Variants in DRAM1 observed in about 807,000 individuals in gnomAD.
The protein encoded by DRAM1 is DNA damage-regulated autophagy modulator protein 1.
A neutral mutation model predicts 28.5 loss-of-function variants in DRAM1; 25 were observed. The observed-to-expected ratio is 0.88, with a 90% CI of 0.64 to 1.23. DRAM1 has a LOEUF of 1.23. Ranked by LOEUF, DRAM1 falls within the 50% of genes most tolerant of loss-of-function variation. The pLI, the probability that DRAM1 is intolerant of heterozygous loss-of-function variation, is 0.00. For synonymous variants in DRAM1, 113 were observed against 114.2 expected (o/e 0.99, Z 0.07); for missense variants, 249 against 299.2 (o/e 0.83, Z 1.24).
chr12:101,917,778 G>GT (rs11446502), intron 5 of DRAM1, among the ~76,000 whole-genome samples: 46,489 of 151,564 alleles, frequency 0.31, 8,409 homozygotes, highest in African/African-American at 0.51. Flanking sequence ...CAAAAGGCAG[G>GT]TTTTTTTCTT....
rs543128938 is a variant in DRAM1 at position 101,910,063 on chromosome 12, A to G, written c.520+1700A>G. On this transcript the variant is annotated intron_variant, in intron 4 of 6. Coordinates refer to ENST00000258534, the MANE Select transcript of DRAM1 (RefSeq NM_018370.3). The stretch of plus-strand genomic sequence containing the variant: ...GCTTTGTGTTTCTTTTCTAAAATAG[A>G]AACTACAAAATGTGAAGTCTAAGTA... Among the ~76,000 whole-genome samples, 78 of 152,368 alleles carry G rather than the reference A, an allele frequency of 5.1e-4. 1 individual carries two copies. The highest frequency in any genetic ancestry group is 6.8e-3 in the Middle Eastern group (2 of 294).
chr12:101,919,205 T>C (rs1466814577), intron 5 of DRAM1, among the ~76,000 whole-genome samples: 1 of 151,390 alleles, frequency 6.6e-6, no homozygotes, highest in Non-Finnish European at 1.5e-5. Context: ...TGCAACAGAG[T>C]TTTAAAATTA....
intron 1 of DRAM1, among the ~76,000 whole-genome samples, chr12:101,896,317 T>A (rs1873372216): frequency 6.6e-6 from 1 of 152,252 alleles, no homozygotes; most frequent in African/African-American, 2.4e-5. Context: ...TTCAACGTGA[T>A]CGGTTTTTTA....
chr12:101,918,828 A>C (rs1023776294), intron 5 of DRAM1, among the ~76,000 whole-genome samples: 30 of 152,308 alleles, frequency 2.0e-4, no homozygotes, highest in Middle Eastern at 3.4e-3. Context: ...GAGGGGGCAC[A>C]CTGACAGTCC....
At chr12:101,903,490 C>G (rs889553724) in intron 3 of DRAM1, among the ~76,000 whole-genome samples, 1 of 152,076 alleles carries the variant, frequency 6.6e-6, no homozygotes, top group African/African-American at 2.4e-5. Flanking sequence ...ATCAAACTTA[C>G]AGGAGAGAGT....
intron 1 of DRAM1, among the ~76,000 whole-genome samples, chr12:101,896,863 C>T (rs184028125): frequency 6.6e-6 from 1 of 151,500 alleles, no homozygotes; most frequent in East Asian, 1.9e-4. Flanking sequence ...TCTCGGCTCA[C>T]CGCAACCTCC....
intron 4 of DRAM1, among the ~76,000 whole-genome samples, chr12:101,911,983 G>C (rs1874055994): frequency 6.6e-6 from 1 of 152,154 alleles, no homozygotes; most frequent in Non-Finnish European, 1.5e-5. Flanking sequence ...CAGATCATTT[G>C]AGGTCAGGAG....
chr12:101,903,873 G>A (rs1457701106), intron 3 of DRAM1, among the ~76,000 whole-genome samples: 3 of 151,320 alleles, frequency 2.0e-5, no homozygotes, highest in Admixed American at 2.0e-4. Flanking sequence ...AGACTAGTCT[G>A]GGCAACATAG....
intron 5 of DRAM1, among the ~76,000 whole-genome samples, chr12:101,916,233 C>G (rs566804050): frequency 6.6e-6 from 1 of 152,312 alleles, no homozygotes; most frequent in African/African-American, 2.4e-5. Context: ...TGGGCCTAGG[C>G]CAGGTGCTGT....
chr12:101,887,890 C>T (rs1872946728), intron 1 of DRAM1, among the ~76,000 whole-genome samples: 1 of 151,970 alleles, frequency 6.6e-6, no homozygotes, highest in Non-Finnish European at 1.5e-5. Flanking sequence ...ACTGAGACTA[C>T]ACAGAATTTC....
chr12:101,907,523 G>A (rs922098329), intron 3 of DRAM1, among the ~76,000 whole-genome samples: 17 of 152,034 alleles, frequency 1.1e-4, no homozygotes, highest in Admixed American at 9.8e-4. Context: ...GACGGATCAC[G>A]AGATCAGGAG....
chr12:101,915,840 G>A (rs1423311525), intron 5 of DRAM1, among the ~76,000 whole-genome samples: 1 of 152,080 alleles, frequency 6.6e-6, no homozygotes, highest in African/African-American at 2.4e-5. Context: ...GATTACAGGC[G>A]TGAACCACCA....
intron 4 of DRAM1, among the ~76,000 whole-genome samples, chr12:101,911,999 G>A (rs1209830893): frequency 1.3e-5 from 2 of 152,138 alleles, no homozygotes; most frequent in Non-Finnish European, 2.9e-5. Context: ...AGGAGTTCGA[G>A]ACCAGCCTGG....
chr12:101,915,955 A>C (rs1326344005), intron 5 of DRAM1, among the ~76,000 whole-genome samples: 1 of 152,244 alleles, frequency 6.6e-6, no homozygotes, highest in African/African-American at 2.4e-5. Context: ...GCTTGGCATT[A>C]GGAGGGCAAG....
At chr12:101,884,690 A>G (rs1872818831) in intron 1 of DRAM1, among the ~76,000 whole-genome samples, 2 of 152,206 alleles carry the variant, frequency 1.3e-5, no homozygotes, top group African/African-American at 2.4e-5. Flanking sequence ...TCATGACCCC[A>G]TAATCTCTGC....
At position 101,906,796 on chromosome 12, in the gene DRAM1, A is replaced by G. The variant is rs143746228; in HGVS notation, c.343-1390A>G. ...CTTGAACCCGGCAGGTGGAGGTTGC[A>G]ATGAGCTGAGATCTCATCACTGCAC... is the stretch of plus-strand genomic sequence containing the variant. On this transcript the variant is annotated intron_variant, in intron 3 of 6. Coordinates refer to ENST00000258534, the MANE Select transcript of DRAM1 (RefSeq NM_018370.3). Among the ~76,000 whole-genome samples, 354 of 150,274 alleles carry G rather than the reference A, an allele frequency of 2.4e-3. 3 individuals are homozygous for G. Among genetic ancestry groups the G allele is most frequent in the African/African-American group, 8.5e-3 (348 of 40,798 alleles).
chr12:101,894,777 C>T (rs1174721480), intron 1 of DRAM1, among the ~76,000 whole-genome samples: 1 of 152,158 alleles, frequency 6.6e-6, no homozygotes, highest in African/African-American at 2.4e-5. Flanking sequence ...TAAATATCCT[C>T]CTCATTCTTT....
chr12:101,905,712 C>T (rs1873776280), intron 3 of DRAM1, among the ~76,000 whole-genome samples: 1 of 152,122 alleles, frequency 6.6e-6, no homozygotes, highest in Non-Finnish European at 1.5e-5. Flanking sequence ...ACCTCAGCCT[C>T]CGAAGTAGCT....
chr12:101,903,401 G>A (rs1010392809), intron 3 of DRAM1, among the ~76,000 whole-genome samples: 9 of 152,108 alleles, frequency 5.9e-5, no homozygotes, highest in Admixed American at 2.0e-4. Context: ...GAACCTGGAG[G>A]ACCTTATGCT....
Sources: allele counts gnomAD v4.1 joint callset (sites outside exome capture counted in the v4.1 genomes callset), GRCh38; gene constraint gnomAD v4.1.1; transcripts MANE v1.5; gene names NCBI Gene and HGNC (gene_info 2026-07-23, HGNC 2026-07-21).